Variants in FANCL observed in about 807,000 individuals in gnomAD.
The protein encoded by FANCL is E3 ubiquitin-protein ligase FANCL.
Under a neutral mutation model 59.4 loss-of-function variants are expected in FANCL, and 69 were observed. The ratio of observed to expected loss-of-function variants is 1.16; its 90% CI spans 0.96 to 1.42. The LOEUF (loss-of-function observed/expected upper bound fraction) is 1.42. Ranked by LOEUF, FANCL falls within the 40% of genes most tolerant of loss-of-function variation. FANCL has a pLI of 0.00. For synonymous variants in FANCL, 180 were observed against 147.1 expected, an observed-to-expected ratio of 1.22 and a Z score of -1.62; for missense variants, 519 against 447.2, an observed-to-expected ratio of 1.16 and a Z score of -1.45.
chr2:58,207,142 G>C (rs929492346), intron 5 of FANCL, among the ~76,000 whole-genome samples: 6 of 152,150 alleles, frequency 3.9e-5, no homozygotes, highest in African/African-American at 1.4e-4. Flanking sequence ...TGCTTTTGGG[G>C]GTTCATTTAT....
chr2:58,182,510 T>C (rs1023077133), intron 7 of FANCL, among the ~76,000 whole-genome samples: 9 of 151,866 alleles, frequency 5.9e-5, no homozygotes, highest in African/African-American at 1.7e-4. Context: ...TTCTATTTTA[T>C]TCCTGCGATA....
At chr2:58,171,734 G>C (rs1387486974) in intron 7 of FANCL, among the ~76,000 whole-genome samples, 1 of 152,226 alleles carries the variant, frequency 6.6e-6, no homozygotes, top group Non-Finnish European at 1.5e-5. Flanking sequence ...CATCTCACTA[G>C]GGAGTGCCAG....
At chr2:58,210,001 G>A (rs1690970198) in intron 5 of FANCL, among the ~76,000 whole-genome samples, 1 of 152,162 alleles carries the variant, frequency 6.6e-6, no homozygotes, top group Admixed American at 6.5e-5. Context: ...AGACAAACTT[G>A]AAAAGTTCAA....
chr2:58,235,433 T>C (rs1365646749), intron 1 of FANCL, among the ~76,000 whole-genome samples: 7 of 152,142 alleles, frequency 4.6e-5, no homozygotes, highest in Non-Finnish European at 8.8e-5. Flanking sequence ...AGAGACTAAC[T>C]ACCTTAGACT....
At chr2:58,160,329 C>A in intron 12 of FANCL, 150 bp from the exon 13 acceptor site, 1 of 780,488 alleles carries the variant, frequency 1.3e-6, no homozygotes, top group Non-Finnish European at 2.2e-6. Flanking sequence ...GGATGTATTT[C>A]CTGAGCCAAT....
intron 5 of FANCL, among the ~76,000 whole-genome samples, chr2:58,209,002 C>T (rs1690863431): frequency 6.6e-6 from 1 of 152,164 alleles, no homozygotes; most frequent in Non-Finnish European, 1.5e-5. Flanking sequence ...TCTATTGCTA[C>T]AACCTTGCCT....
chr2:58,228,743 G>T (rs935520543), intron 3 of FANCL, among the ~76,000 whole-genome samples: 2 of 152,070 alleles, frequency 1.3e-5, no homozygotes, highest in African/African-American at 4.8e-5. Flanking sequence ...ATAAAAAGAA[G>T]ACTTTAACAC....
chr2:58,177,836 C>T (rs1393568560), intron 7 of FANCL, among the ~76,000 whole-genome samples: 1 of 144,898 alleles, frequency 6.9e-6, no homozygotes, highest in Non-Finnish European at 1.5e-5. Flanking sequence ...CCAAATAGAC[C>T]GCTAGCCAGA....
At chr2:58,163,403 T>G in intron 9 of FANCL, 31 bp downstream of exon 9, 1 of 1,430,136 alleles carries the variant, frequency 7.0e-7, no homozygotes, top group Non-Finnish European at 9.9e-7. Context: ...TATGACTCTA[T>G]TAAAAAACGT....
At chr2:58,226,057 G>C (rs1276043510) in intron 4 of FANCL, among the ~76,000 whole-genome samples, 1 of 151,970 alleles carries the variant, frequency 6.6e-6, no homozygotes, top group African/African-American at 2.4e-5. Context: ...TATTTACAGA[G>C]GGATACATAC....
intron 2 of FANCL, among the ~76,000 whole-genome samples, chr2:58,230,819 C>G (rs1693513908): frequency 6.6e-6 from 1 of 152,156 alleles, no homozygotes; most frequent in African/African-American, 2.4e-5. Context: ...TTGTGGTATC[C>G]TTAATTTATG....
At chr2:58,226,598 TA>T in intron 4 of FANCL, 129 bp downstream of exon 4, 1 of 731,550 alleles carries the variant, frequency 1.4e-6, no homozygotes, top group Non-Finnish European at 2.4e-6. Context: ...ATGTACACAG[TA>T]AAAGAAAACA....
intron 5 of FANCL, among the ~76,000 whole-genome samples, chr2:58,218,340 T>C (rs914303476): frequency 2.0e-5 from 3 of 151,834 alleles, no homozygotes; most frequent in Non-Finnish European, 4.4e-5. Context: ...CAGAGAAAAT[T>C]AACAACGCTA....
intron 6 of FANCL, among the ~76,000 whole-genome samples, chr2:58,203,387 T>C (rs536631235): frequency 1.3e-4 from 20 of 152,080 alleles, no homozygotes; most frequent in South Asian, 2.1e-4. Flanking sequence ...AAAGAGTTGA[T>C]TGATTGACTC....
At chr2:58,209,857 C>T (rs890850108) in intron 5 of FANCL, among the ~76,000 whole-genome samples, 9 of 152,128 alleles carry the variant, frequency 5.9e-5, no homozygotes, top group Non-Finnish European at 1.2e-4. Context: ...TCTTCAAATG[C>T]ATTAACAATT....
At chr2:58,165,598 A>G in intron 8 of FANCL, 126 bp downstream of exon 8, 1 of 1,205,862 alleles carries the variant, frequency 8.3e-7, no homozygotes, top group Non-Finnish European at 1.2e-6. Context: ...AAAAAAGTTT[A>G]TACTAGAAAA....
At chr2:58,165,358 A>C (rs1685791352) in intron 8 of FANCL, among the ~76,000 whole-genome samples, 1 of 152,182 alleles carries the variant, frequency 6.6e-6, no homozygotes, top group Non-Finnish European at 1.5e-5. Context: ...TGAGCACACT[A>C]ATCTGAGAAG....
chr2:58,180,295 C>T (rs1687801453), intron 7 of FANCL, among the ~76,000 whole-genome samples: 1 of 152,074 alleles, frequency 6.6e-6, no homozygotes, highest in South Asian at 2.1e-4. Flanking sequence ...GCATTATTCA[C>T]AATAGCAAAG....
intron 5 of FANCL, among the ~76,000 whole-genome samples, chr2:58,216,460 T>C (rs1302797802): frequency 1.3e-5 from 2 of 152,168 alleles, no homozygotes; most frequent in East Asian, 1.9e-4. Flanking sequence ...GTACACTAAC[T>C]AGTATGCCTC....
Sources: gnomAD v4.1 joint callset for allele counts (sites outside exome capture counted in the v4.1 genomes callset) on GRCh38, gnomAD v4.1.1 for gene constraint, MANE v1.5 for transcripts, NCBI Gene and HGNC (gene_info 2026-07-23, HGNC 2026-07-21) for gene names.